The following TBCD variants were observed in gnomAD, a reference collection of about 807,000 sequenced individuals.
TBCD encodes tubulin folding cofactor D, also known as tubulin-specific chaperone D.
A neutral mutation model predicts 169.3 loss-of-function variants in TBCD; 105 were observed. The observed-to-expected ratio is 0.62, with a 90% confidence interval of 0.53 to 0.73. The LOEUF (loss-of-function observed/expected upper bound fraction) is 0.73. Ranked by LOEUF, TBCD falls within the 30% of genes least tolerant of loss-of-function variation. TBCD has a pLI of 0.00. For missense variants in TBCD, 1,444 were observed against 1,600.1 expected (o/e 0.90, Z 1.66); for synonymous variants, 700 against 643.9 (o/e 1.09, Z -1.32).
intron 13 of TBCD, chr17:82,865,567 C>T: frequency 2.0e-6 from 2 of 984,870 alleles, no homozygotes; most frequent in Non-Finnish European, 2.4e-6. Flanking sequence ...GTGCACAGCC[C>T]TCACCGCCCA....
intron 2 of TBCD, among the ~76,000 whole-genome samples, chr17:82,759,127 A>T (rs1326272214): frequency 1.3e-5 from 2 of 151,910 alleles, no homozygotes; most frequent in Non-Finnish European, 2.9e-5. Context: ...TGATCTTCTC[A>T]CTTCAGCCTC....
Position 82,884,261 on chromosome 17 carries a change from C to T in TBCD, c.1533+59C>T. The stretch of plus-strand genomic sequence containing the variant: ...AAGGTGGGGGGTGGGCCTGGTCTCC[C>T]TGATGCTCCTCTGTGCACTGCTGCC... On this transcript the variant is annotated intron_variant, in intron 15 of 38. Coordinates refer to ENST00000355528, the MANE Select transcript of TBCD (RefSeq NM_005993.5). This position sits in a 1 kb window ranked among gnomAD's most constrained non-coding sequence, Gnocchi z 4.2. 6.8e-7 allele frequency: 1 copy of T among 1,475,170 alleles called. No homozygotes were observed. The highest frequency in any genetic ancestry group is 9.3e-7 in the Non-Finnish European group (1 of 1,076,366). The allele number at this position is 1,475,170 out of a possible 1,614,324, so 91.4% of individuals were successfully genotyped here. A position where few individuals can be genotyped will look rare whatever the true frequency, so the allele number is the denominator to read the frequency against.
intron 17 of TBCD, among the ~76,000 whole-genome samples, chr17:82,899,438 C>T (rs1035744953): frequency 6.6e-6 from 1 of 150,928 alleles, no homozygotes; most frequent in Non-Finnish European, 1.5e-5. Context: ...CAGCATCGTG[C>T]GCCTGGGGCC....
intron 21 of TBCD, 89 bp from the exon 22 acceptor site, chr17:82,909,194 TTC>T: frequency 8.9e-7 from 1 of 1,122,980 alleles, no homozygotes. Flanking sequence ...TTCTGCCATT[TTC>T]TCTTTGTTCT....
At chr17:82,927,450 G>C in intron 29 of TBCD, 127 bp downstream of exon 29, 1 of 1,332,382 alleles carries the variant, frequency 7.5e-7, no homozygotes, top group Non-Finnish European at 1.0e-6. Context: ...GCGTTTTAAA[G>C]GCTCTGGGGA....
rs1355699706 is a variant in TBCD, at chr17:82,831,531, G to A, written c.1318+16597G>A. ...TCGGCAGGTTAGAGGGATATTGCTG[G>A]AAAAACCTGTAGTGATCGTATGTGG... On this transcript the variant is annotated intron_variant, in intron 13 of 38. Coordinates refer to ENST00000355528, the MANE Select transcript of TBCD (RefSeq NM_005993.5). This position sits in a 1 kb window ranked among gnomAD's most constrained non-coding sequence, Gnocchi z 4.6. 1.2e-6 allele frequency: 2 copies of A among 1,614,042 alleles called. No individual in the cohort carries two copies. Among genetic ancestry groups the A allele is most frequent in the Admixed American group, 3.3e-5 (2 of 59,998 alleles).
intron 17 of TBCD, among the ~76,000 whole-genome samples, chr17:82,894,301 G>GA: frequency 6.6e-6 from 1 of 152,250 alleles, no homozygotes; most frequent in South Asian, 2.1e-4. Flanking sequence ...GCAGAAATGT[G>GA]AAAAAGGGTG....
intron 7 of TBCD, chr17:82,795,566 T>A (rs778593752): frequency 8.1e-6 from 8 of 985,640 alleles, no homozygotes; most frequent in Non-Finnish European, 9.6e-6. Context: ...CATGTGGCCA[T>A]GGCTGCAGGT....
rs2146732991 is a variant in TBCD, at chr17:82,903,626, A to G, written c.1804+148A>G. ...TGAGGAAAGAGCTGTGGACTTGATCAGTGGATAGGCTGTGAGGACGGATGC... is the reference window on the plus strand; with the variant it reads ...TGAGGAAAGAGCTGTGGACTTGATCGGTGGATAGGCTGTGAGGACGGATGC... On this transcript the variant is annotated intron_variant, in intron 19 of 38. Transcript: ENST00000355528. This position sits in a 1 kb window ranked among gnomAD's most constrained non-coding sequence, Gnocchi z 4.8. 1.2e-6 allele frequency: 1 copy of G among 846,450 alleles called. No homozygotes were observed. 52.4% of individuals were successfully genotyped at this position (846,450 alleles called of 1,614,324 possible).
intron 13 of TBCD, among the ~76,000 whole-genome samples, chr17:82,861,997 A>T (rs1432256416): frequency 6.6e-6 from 1 of 150,886 alleles, no homozygotes; most frequent in Non-Finnish European, 1.5e-5. Context: ...ATCTCGGCTC[A>T]CTGCAACCTC....
At chr17:82,774,404 A>T (rs1207987920) in intron 6 of TBCD, among the ~76,000 whole-genome samples, 1 of 152,152 alleles carries the variant, frequency 6.6e-6, no homozygotes, top group African/African-American at 2.4e-5. Context: ...AGGCAGAAGA[A>T]TTTTTCTTAG....
At position 82,927,296 on chromosome 17, in the gene TBCD, C is replaced by A. The variant is rs370658754; in HGVS notation, c.2582C>A (p.Thr861Lys). 1 of 1,613,974 alleles carries A rather than the reference C, an allele frequency of 6.2e-7. No homozygotes were observed. Among genetic ancestry groups the A allele is most frequent in the East Asian group, 2.2e-5 (1 of 44,886 alleles). Residue 861 changes from threonine (T) to lysine (K), a missense_variant, in exon 29 of 39, where the codon ACG (threonine) becomes AAG (lysine). By Grantham distance (78) the Thr-to-Lys change is moderately conservative. Transcript: ENST00000355528. ...CTGGGCTGCATGGACGACTACACCA[C>A]GGACAGCAGAGGGGACGTGGGCACC... is the stretch of plus-strand genomic sequence containing the variant. ...ALLGCMDDYT[T>K]DSRGDVGTWV...
At chr17:82,908,452 A>G (rs1317043427) in intron 21 of TBCD, 7 of 450,974 alleles carry the variant, frequency 1.6e-5, no homozygotes, top group South Asian at 3.1e-5. Context: ...AGTATGAACT[A>G]TGGATCTTGG....
At chr17:82,911,677 A>C (rs971077830) in intron 22 of TBCD, 81 bp from the exon 23 acceptor site, 3 of 1,362,586 alleles carry the variant, frequency 2.2e-6, no homozygotes, top group Non-Finnish European at 2.1e-6. Flanking sequence ...TTGGAGCCTG[A>C]GGTTACATTG....
At position 82,921,564 on chromosome 17, in the gene TBCD, G is replaced by T. The variant is rs759389497; in HGVS notation, c.2165G>T (p.Arg722Leu). The T allele has an allele frequency of 6.2e-7, 1 of 1,613,934 alleles. No individual in the cohort carries two copies. The highest frequency in any genetic ancestry group is 8.5e-7 in the Non-Finnish European group (1 of 1,179,874). The change falls in exon 25 of 39, where the codon CGC becomes CTC. Residue 722 changes from arginine (R) to leucine (L), a missense_variant. Physicochemically the swap from Arg to Leu is moderately radical, Grantham distance 102. Coordinates refer to ENST00000355528, the MANE Select transcript of TBCD (RefSeq NM_005993.5). The stretch of plus-strand genomic sequence containing the variant: ...CTCCATCTCATCTCAAGTCACTCCC[G>T]CCAGCAGATGAAGGTACAGTGAGCA... ...RHLHLISSHS[R>L]QQMKDAAVSA... is the part of the protein sequence containing the mutation.
At chr17:82,777,583 CAGAG>C (rs369453919) in intron 6 of TBCD, among the ~76,000 whole-genome samples, 4 of 144,210 alleles carry the variant, frequency 2.8e-5, no homozygotes, top group South Asian at 2.1e-4. Context: ...GCAGCCGAGG[CAGAG>C]AGAGAGAGAG....
chr17:82,816,606 T>A (rs1299355474), intron 13 of TBCD, among the ~76,000 whole-genome samples: 1 of 151,968 alleles, frequency 6.6e-6, no homozygotes, highest in Non-Finnish European at 1.5e-5. Flanking sequence ...CAATCTCTGC[T>A]CACTGTAATC....
chr17:82,855,974 T>A (rs1273701782), intron 13 of TBCD, among the ~76,000 whole-genome samples: 1 of 145,096 alleles, frequency 6.9e-6, no homozygotes, highest in Middle Eastern at 3.7e-3. Context: ...TTGCTTTGTA[T>A]GGGTAGACTC....
chr17:82,871,395 G>A lies in TBCD; in HGVS notation c.1475+1015G>A, dbSNP rs2145982198. On this transcript the variant is annotated intron_variant, in intron 14 of 38. Coordinates refer to ENST00000355528, the MANE Select transcript of TBCD (RefSeq NM_005993.5). ...CTGGAGGCGGGACACCGAGGAAGGCGACTCAGTGTCACTGTCCGTCATGGG... is the reference window on the plus strand; with the variant it reads ...CTGGAGGCGGGACACCGAGGAAGGCAACTCAGTGTCACTGTCCGTCATGGG... 2.0e-5 allele frequency among the ~76,000 whole-genome samples: 3 copies of A among 152,320 alleles called. 1 individual carries two copies.
Sources: gnomAD v4.1 joint callset for allele counts (sites outside exome capture counted in the v4.1 genomes callset) on GRCh38, gnomAD v4.1.1 for gene constraint, Gnocchi (gnomAD v3.1) non-coding constraint, MANE v1.5 for transcripts, NCBI Gene and HGNC (gene_info 2026-07-23, HGNC 2026-07-21) for gene names.